Variants in RBFOX1 observed in about 807,000 individuals in gnomAD.
RBFOX1 encodes the protein RNA binding protein fox-1 homolog 1.
RBFOX1 carries 8 observed loss-of-function variants against 57.7 expected under a neutral mutation model. The observed-to-expected ratio is 0.14, with a 90% CI of 0.08 to 0.25. RBFOX1 has a LOEUF of 0.25. Among genes scored for constraint, RBFOX1 ranks in the 10% least tolerant of loss-of-function variants. The pLI, the probability that RBFOX1 is intolerant of heterozygous loss-of-function variation, is 1.00. For synonymous variants in RBFOX1, 326 were observed against 222.4 expected (o/e 1.47, Z -4.15); for missense variants, 611 against 548.5 (o/e 1.11, Z -1.14).
At chr16:7,357,047 C>T (rs551548347) in intron 4 of RBFOX1, among the ~76,000 whole-genome samples, 1 of 152,284 alleles carries the variant, frequency 6.6e-6, no homozygotes, top group Admixed American at 6.5e-5. Context: ...ATCCAGGGAT[C>T]TATCTGCCTT....
chr16:7,380,470 A>G (rs2097766545), intron 4 of RBFOX1, among the ~76,000 whole-genome samples: 1 of 152,252 alleles, frequency 6.6e-6, no homozygotes, highest in Non-Finnish European at 1.5e-5. Flanking sequence ...GTTGGCACAT[A>G]TAAATTATGT....
At chr16:5,746,553 G>C (rs950047259) in intron 3 of RBFOX1, among the ~76,000 whole-genome samples, 13 of 152,152 alleles carry the variant, frequency 8.5e-5, no homozygotes, top group African/African-American at 3.1e-4. Context: ...TCACGATATT[G>C]GTTCTTCCTA....
At chr16:7,148,123 A>C (rs2075390690) in intron 4 of RBFOX1, among the ~76,000 whole-genome samples, 1 of 152,164 alleles carries the variant, frequency 6.6e-6, no homozygotes. Context: ...CGCACAATTG[A>C]CTTAGGAAAA....
At chr16:5,616,337 C>T (rs1449729834) in intron 3 of RBFOX1, 1 of 152,324 alleles carries the variant, frequency 6.6e-6, no homozygotes, top group Non-Finnish European at 1.5e-5. Context: ...GACACCGCCC[C>T]TGGGAGGGAG....
chr16:6,180,885 A>G (rs1005587137), intron 1 of RBFOX1, among the ~76,000 whole-genome samples: 2 of 151,906 alleles, frequency 1.3e-5, no homozygotes, highest in Non-Finnish European at 2.9e-5. Context: ...TTTAATCTTC[A>G]TTTCTGAAAG....
intron 1 of RBFOX1, among the ~76,000 whole-genome samples, chr16:6,098,592 G>A (rs545622514): frequency 6.6e-6 from 1 of 152,320 alleles, no homozygotes; most frequent in East Asian, 1.9e-4. Flanking sequence ...TCAGTCTTTT[G>A]TTTCTGGCTG....
intron 4 of RBFOX1, among the ~76,000 whole-genome samples, chr16:5,917,899 C>T (rs1021867887): frequency 1.3e-5 from 2 of 152,094 alleles, no homozygotes; most frequent in African/African-American, 2.4e-5. Flanking sequence ...TTTCTCTTCC[C>T]GCTGCACTGA....
chr16:6,377,773 A>C (rs1168235759), intron 2 of RBFOX1, among the ~76,000 whole-genome samples: 2 of 152,178 alleles, frequency 1.3e-5, no homozygotes, highest in Middle Eastern at 3.2e-3. Context: ...TTTAATCAGG[A>C]ATGTAATTTT....
chr16:5,520,097 G>A (rs1227521355), intron 2 of RBFOX1, among the ~76,000 whole-genome samples: 3 of 152,216 alleles, frequency 2.0e-5, no homozygotes, highest in African/African-American at 7.2e-5. Context: ...TTTAAAGAAC[G>A]TGGGAGCATC....
In RBFOX1 at chr16:6,089,596, C is replaced by T. The variant is rs12449038; in HGVS notation, c.-127+69604C>T. On this transcript the variant is annotated intron_variant, in intron 1 of 15. Coordinates refer to ENST00000550418, the MANE Select transcript of RBFOX1 (RefSeq NM_018723.4). ...ATGCAATGCATTTGTCTTTTGAATG[C>T]AAATATTGCTGGGGCGGGTCTTTTG... Among the ~76,000 whole-genome samples, 1,273 of 152,198 alleles carry T rather than the reference C, an allele frequency of 8.4e-3. 10 individuals carry two copies. Among genetic ancestry groups the T allele is most frequent in the Admixed American group, 0.014 (207 of 15,274 alleles).
At chr16:5,832,022 C>G (rs896647381) in intron 3 of RBFOX1, among the ~76,000 whole-genome samples, 3 of 152,094 alleles carry the variant, frequency 2.0e-5, no homozygotes, top group African/African-American at 4.8e-5. Flanking sequence ...GTATGTCTGT[C>G]TGGTTGAAGG....
In RBFOX1 at chr16:7,281,369, G is replaced by T. The variant is rs557832006; in HGVS notation, c.27+229271G>T. Among the ~76,000 whole-genome samples the T allele has an allele frequency of 6.6e-5, 10 of 151,634 alleles. No individual in the cohort carries two copies. The South Asian group carries it at 1.9e-3, about 28-fold the overall frequency. On this transcript the variant is annotated intron_variant, in intron 4 of 15. Transcript: ENST00000550418. Reference sequence around the variant, plus strand: ...TTTAGCATACATTTGGAGGCAGATGGGCTGCTTCCCTTATTGTATGAGAGC... The same window carrying T: ...TTTAGCATACATTTGGAGGCAGATGTGCTGCTTCCCTTATTGTATGAGAGC...
At chr16:6,818,317 G>A (rs1018086150) in intron 3 of RBFOX1, among the ~76,000 whole-genome samples, 5 of 152,064 alleles carry the variant, frequency 3.3e-5, no homozygotes, top group African/African-American at 9.7e-5. Context: ...TGAGAATCAT[G>A]GTTTCTAAAT....
chr16:6,388,449 C>T (rs1290049259), intron 2 of RBFOX1, among the ~76,000 whole-genome samples: 1 of 152,074 alleles, frequency 6.6e-6, no homozygotes, highest in East Asian at 1.9e-4. Context: ...TGATTTAAAA[C>T]ATGTGTTTGT....
At chr16:5,454,955 C>CT (rs1221973149) in intron 1 of RBFOX1, among the ~76,000 whole-genome samples, 999 of 53,996 alleles carry the variant, frequency 0.019, 11 homozygotes, top group African/African-American at 0.035. Flanking sequence ...TCCTTCCTTC[C>CT]TTCCTTTCTT....
intron 3 of RBFOX1, among the ~76,000 whole-genome samples, chr16:6,772,864 G>A (rs2078571635): frequency 6.6e-6 from 1 of 150,896 alleles, no homozygotes; most frequent in Non-Finnish European, 1.5e-5. Context: ...GCATTTGTGT[G>A]TGTGTGTCTG....
At chr16:6,378,148 A>G (rs1246341883) in intron 2 of RBFOX1, among the ~76,000 whole-genome samples, 2 of 152,240 alleles carry the variant, frequency 1.3e-5, no homozygotes, top group Non-Finnish European at 2.9e-5. Context: ...CTCAGCTACC[A>G]GAGCTTCTGT....
chr16:7,050,341 C>T (rs369482710), intron 3 of RBFOX1, among the ~76,000 whole-genome samples: 62 of 37,392 alleles, frequency 1.7e-3, no homozygotes, highest in African/African-American at 2.7e-3. Context: ...ACTCAGCTCA[C>T]TGCAACCTCT....
At chr16:6,653,413 A>G (rs536897188) in intron 2 of RBFOX1, among the ~76,000 whole-genome samples, 49 of 152,294 alleles carry the variant, frequency 3.2e-4, no homozygotes, top group Middle Eastern at 6.8e-3. Context: ...CTAGCAGCCA[A>G]GAGTTGCTAA....
Sources: gnomAD v4.1 joint callset for allele counts (sites outside exome capture counted in the v4.1 genomes callset) on GRCh38, gnomAD v4.1.1 for gene constraint, MANE v1.5 for transcripts, NCBI Gene and HGNC (gene_info 2026-07-23, HGNC 2026-07-21) for gene names.